The following NBAS variants were observed in gnomAD, a reference collection of about 807,000 sequenced individuals.
NBAS encodes NAG/BC035112 fusion.
A neutral mutation model predicts 302.5 loss-of-function variants in NBAS; 219 were observed. The ratio of observed to expected loss-of-function variants is 0.72; its 90% CI spans 0.65 to 0.81. The LOEUF is 0.81. Ranked by LOEUF, NBAS falls within the 30% of genes least tolerant of loss-of-function variation. The probability of loss-of-function intolerance (pLI) is 0.00; values close to 1 mark genes in which losing one functional copy is unlikely to be tolerated. For synonymous variants in NBAS, 1,118 were observed against 1,021.6 expected, an observed-to-expected ratio of 1.09 and a Z score of -1.80; for missense variants, 2,932 against 2,841.6, an observed-to-expected ratio of 1.03 and a Z score of -0.72.
the NBAS span, among the ~76,000 whole-genome samples, chr2:14,810,268 G>C: frequency 2.0e-5 from 3 of 152,200 alleles, no homozygotes; most frequent in East Asian, 1.9e-4. Flanking sequence ...TGGTTTGGCT[G>C]TGTCCCCACC....
intron 26 of NBAS, among the ~76,000 whole-genome samples, 166 bp downstream of exon 26, chr2:15,402,002 G>C (rs1207679507): frequency 6.6e-6 from 1 of 152,056 alleles, no homozygotes. Context: ...GGTAGGACAA[G>C]AAATGTTTAT....
chr2:15,013,042 A>G, the NBAS span, among the ~76,000 whole-genome samples: 1 of 152,184 alleles, frequency 6.6e-6, no homozygotes, highest in South Asian at 2.1e-4. Context: ...GTCTTTTTGC[A>G]GAGATGGGGT....
At chr2:14,822,196 C>A in the NBAS span, among the ~76,000 whole-genome samples, 1 of 152,220 alleles carries the variant, frequency 6.6e-6, no homozygotes, top group Admixed American at 6.5e-5. Context: ...GCTGGGTCAT[C>A]TGTCAGTTGA....
chr2:15,346,109 T>C (rs1388232355), intron 35 of NBAS, among the ~76,000 whole-genome samples: 2 of 152,112 alleles, frequency 1.3e-5, no homozygotes, highest in African/African-American at 4.8e-5. Flanking sequence ...AAAGACTTCA[T>C]GACAAAAACG....
the NBAS span, among the ~76,000 whole-genome samples, chr2:15,015,279 A>T: frequency 6.6e-6 from 1 of 152,050 alleles, no homozygotes; most frequent in African/African-American, 2.4e-5. Context: ...CCCTCATTTT[A>T]CAAGGCCAGC....
intron 40 of NBAS, among the ~76,000 whole-genome samples, chr2:15,297,391 ATC>A (rs1007075593): frequency 1.3e-4 from 20 of 152,288 alleles, no homozygotes; most frequent in African/African-American, 4.6e-4. Flanking sequence ...CCCAAATCTC[ATC>A]TCGAATTGTA....
the NBAS span, among the ~76,000 whole-genome samples, chr2:15,045,933 C>A: frequency 0.42 from 64,211 of 152,028 alleles, 14,948 homozygotes; most frequent in African/African-American, 0.63. Flanking sequence ...GTGTGTACCC[C>A]CTAATTTCAG....
chr2:14,840,602 G>T, the NBAS span, among the ~76,000 whole-genome samples: 1 of 151,884 alleles, frequency 6.6e-6, no homozygotes, highest in Non-Finnish European at 1.5e-5. Context: ...AAACCATATA[G>T]CCCAGGAGGG....
the NBAS span, among the ~76,000 whole-genome samples, chr2:14,897,572 G>T: frequency 6.6e-6 from 1 of 150,794 alleles, no homozygotes; most frequent in African/African-American, 2.4e-5. Context: ...AATAATTTTG[G>T]TTGAGGAAGT....
At chr2:14,996,976 G>C in the NBAS span, among the ~76,000 whole-genome samples, 1 of 152,018 alleles carries the variant, frequency 6.6e-6, no homozygotes, top group Non-Finnish European at 1.5e-5. Flanking sequence ...AACAAACAAA[G>C]AAAACAAGAC....
the NBAS span, among the ~76,000 whole-genome samples, chr2:14,922,143 G>A: frequency 1.3e-5 from 2 of 152,204 alleles, no homozygotes; most frequent in Non-Finnish European, 2.9e-5. Context: ...GGACCTGAGT[G>A]TCTAGAAAAC....
chr2:15,071,644 G>T, the NBAS span, among the ~76,000 whole-genome samples: 8 of 151,036 alleles, frequency 5.3e-5, no homozygotes, highest in African/African-American at 1.9e-4. Flanking sequence ...AAAAAAAAGG[G>T]AATTGCCCAG....
the NBAS span, among the ~76,000 whole-genome samples, chr2:14,914,004 G>T: frequency 6.6e-6 from 1 of 152,098 alleles, no homozygotes; most frequent in South Asian, 2.1e-4. Flanking sequence ...TTCTGGAGAG[G>T]CCTCACAATC....
At chr2:15,315,469 C>T (rs1262155708) in intron 38 of NBAS, among the ~76,000 whole-genome samples, 1 of 152,198 alleles carries the variant, frequency 6.6e-6, no homozygotes, top group East Asian at 1.9e-4. Flanking sequence ...GAAATCCTCC[C>T]TGAAAACTGC....
chr2:15,311,096 G>A (rs980424770), intron 38 of NBAS, among the ~76,000 whole-genome samples: 2 of 152,184 alleles, frequency 1.3e-5, no homozygotes, highest in African/African-American at 4.8e-5. Flanking sequence ...TTAGGAGGTT[G>A]TGCTATATAC....
At chr2:14,986,018 G>T in the NBAS span, among the ~76,000 whole-genome samples, 1 of 152,148 alleles carries the variant, frequency 6.6e-6, no homozygotes, top group East Asian at 1.9e-4. Flanking sequence ...CACATGAGTA[G>T]TTGAAATAAT....
At chr2:14,817,567 A>G in the NBAS span, among the ~76,000 whole-genome samples, 1 of 152,202 alleles carries the variant, frequency 6.6e-6, no homozygotes, top group Non-Finnish European at 1.5e-5. Flanking sequence ...AACAGTAAAT[A>G]AATTTGTGCA....
the NBAS span, among the ~76,000 whole-genome samples, chr2:14,908,801 T>C: frequency 6.6e-6 from 1 of 152,078 alleles, no homozygotes; most frequent in Non-Finnish European, 1.5e-5. Context: ...CAGACCACTG[T>C]CCCTCTCAAC....
intron 44 of NBAS, among the ~76,000 whole-genome samples, chr2:15,254,722 A>T (rs1480178964): frequency 6.6e-6 from 1 of 152,064 alleles, no homozygotes; most frequent in African/African-American, 2.4e-5. Context: ...AAGTCCCCAA[A>T]GTGTATTATG....
Sources: allele counts gnomAD v4.1 joint callset (sites outside exome capture counted in the v4.1 genomes callset), GRCh38; gene constraint gnomAD v4.1.1; transcripts MANE v1.5; gene names NCBI Gene and HGNC (gene_info 2026-07-23, HGNC 2026-07-21).